SIPA1L1: variants seen among roughly 807,000 people sequenced by gnomAD.
The protein encoded by SIPA1L1 is signal-induced proliferation-associated 1-like protein 1.
SIPA1L1 carries 26 observed loss-of-function variants against 162.7 expected under a neutral mutation model. The ratio of observed to expected loss-of-function variants is 0.16; its 90% CI spans 0.12 to 0.22. SIPA1L1 has a LOEUF of 0.22. SIPA1L1 is among the 10% of genes least tolerant of loss of function. SIPA1L1 has a pLI of 1.00. For synonymous variants in SIPA1L1, 829 were observed against 837.4 expected (o/e 0.99, Z 0.17); for missense variants, 1,874 against 2,241.0 (o/e 0.84, Z 3.31).
intron 2 of SIPA1L1, among the ~76,000 whole-genome samples, chr14:71,449,735 C>T (rs2045675567): frequency 1.3e-5 from 2 of 152,164 alleles, no homozygotes; most frequent in South Asian, 4.1e-4. Flanking sequence ...GGGACTGTCT[C>T]AGTTAAGCAT....
In SIPA1L1 at chr14:71,377,637, G is replaced by A. The variant is rs2039526750; in HGVS notation, c.-465+56456G>A. Among the ~76,000 whole-genome samples the A allele has an allele frequency of 6.6e-6, 1 of 152,178 alleles. No individual in the cohort carries two copies. Among genetic ancestry groups the A allele is most frequent in the Admixed American group, 6.5e-5 (1 of 15,282 alleles). On this transcript the variant is annotated intron_variant, in intron 2 of 23. Transcript: ENST00000381232. This position sits in a 1 kb window ranked among gnomAD's most constrained non-coding sequence, Gnocchi z 4.8. ...AGGCCAAGGCAGGCGGCTGGGAGGT[G>A]GAGGTTGTAGCGAGCTGAGATCACG...
intron 2 of SIPA1L1, among the ~76,000 whole-genome samples, chr14:71,375,841 C>T (rs1482189232): frequency 6.6e-6 from 1 of 152,062 alleles, no homozygotes; most frequent in East Asian, 1.9e-4. Context: ...GCATTTTCTT[C>T]TTTAATCTGT....
chr14:71,505,593 T>C (rs1432521919), intron 2 of SIPA1L1, among the ~76,000 whole-genome samples: 1 of 152,156 alleles, frequency 6.6e-6, no homozygotes, highest in Non-Finnish European at 1.5e-5. Context: ...ACTTTGAGTT[T>C]TTCCATCTTT....
At chr14:71,673,275 T>C (rs2044726540) in intron 12 of SIPA1L1, among the ~76,000 whole-genome samples, 3 of 152,188 alleles carry the variant, frequency 2.0e-5, no homozygotes, top group Admixed American at 2.0e-4. Flanking sequence ...TCTCTGTCTC[T>C]GGGGAGGTTT....
At chr14:71,562,652 T>C (rs1348261767) in intron 4 of SIPA1L1, among the ~76,000 whole-genome samples, 1 of 152,238 alleles carries the variant, frequency 6.6e-6, no homozygotes, top group Non-Finnish European at 1.5e-5. Flanking sequence ...TGTTTTGTTA[T>C]TTGTATTTTT....
Position 71,544,020 on chromosome 14 carries a change from T to C in SIPA1L1, c.-303+14650T>C, listed in dbSNP as rs147050000. On this transcript the variant is annotated intron_variant, in intron 4 of 23. Coordinates refer to ENST00000381232, the MANE Select transcript of SIPA1L1 (RefSeq NM_001386936.1). ...ACACACGCACATGTATATATACACATACGCACATGTATGTATATACACACG... is the reference window on the plus strand; with the variant it reads ...ACACACGCACATGTATATATACACACACGCACATGTATGTATATACACACG... Among the ~76,000 whole-genome samples the C allele has an allele frequency of 1.5e-3, 215 of 145,040 alleles. 3 individuals are homozygous for C. The highest frequency in any genetic ancestry group is 0.013 in the South Asian group (63 of 4,708).
intron 2 of SIPA1L1, among the ~76,000 whole-genome samples, chr14:71,463,289 G>C (rs545769974): frequency 6.6e-6 from 1 of 152,280 alleles, no homozygotes; most frequent in African/African-American, 2.4e-5. Context: ...GGTTCTACCA[G>C]CTCCTAATTA....
At chr14:71,365,434 T>C (rs2038196248) in intron 2 of SIPA1L1, among the ~76,000 whole-genome samples, 1 of 152,136 alleles carries the variant, frequency 6.6e-6, no homozygotes, top group Admixed American at 6.5e-5. Flanking sequence ...CTTTCCACTA[T>C]TGCCCGTAGG....
Position 71,741,165 on chromosome 14 carries a change from T to C in SIPA1L1, c.*2004T>C, listed in dbSNP as rs1039918651. The C allele has an allele frequency of 1.3e-5, 2 of 152,230 alleles. No individual in the cohort carries two copies. The highest frequency in any genetic ancestry group is 2.9e-5 in the Non-Finnish European group (2 of 68,044). The allele number at this position is 152,230 out of a possible 1,614,324, so 9.4% of individuals were successfully genotyped here. On this transcript the variant is annotated 3_prime_UTR_variant, in exon 24 of 24. Transcript: ENST00000381232. ...TAACACTAATGATGATTCTTGAAAA[T>C]TTCTGTCCTTCTCAGAATGTTAATA...
At chr14:71,400,163 A>G (rs2041557449) in intron 2 of SIPA1L1, among the ~76,000 whole-genome samples, 1 of 152,084 alleles carries the variant, frequency 6.6e-6, no homozygotes, top group Non-Finnish European at 1.5e-5. Context: ...TGAGCTTGCC[A>G]TTAATATATC....
intron 2 of SIPA1L1, chr14:71,330,357 T>C (rs2034375268): frequency 3.4e-6 from 3 of 878,076 alleles, no homozygotes; most frequent in South Asian, 1.3e-5. Context: ...TCCTCTCTTT[T>C]TGGCGATGAA....
At chr14:71,479,809 C>G (rs1417152028) in intron 2 of SIPA1L1, among the ~76,000 whole-genome samples, 4 of 152,110 alleles carry the variant, frequency 2.6e-5, no homozygotes, top group African/African-American at 9.7e-5. Flanking sequence ...TTACTGCAGC[C>G]CTGACCTCCC....
intron 2 of SIPA1L1, among the ~76,000 whole-genome samples, chr14:71,457,789 GT>G (rs1481209479): frequency 2.0e-5 from 3 of 151,532 alleles, no homozygotes; most frequent in Non-Finnish European, 1.5e-5. Context: ...AGAGATGGGG[GT>G]TTCACCATGT....
In SIPA1L1 at chr14:71,502,593, T is replaced by G. The variant is rs529059877; in HGVS notation, c.-464-10150T>G. 5.9e-5 allele frequency among the ~76,000 whole-genome samples: 9 copies of G among 152,256 alleles called. No individual in the cohort carries two copies. In the East Asian group the frequency reaches 1.7e-3, roughly 29 times the overall value. On this transcript the variant is annotated intron_variant, in intron 2 of 23. Transcript: ENST00000381232. ...GCCCAGAAACAAAAATTTTTGGCTA[T>G]TAGGGTAGAGTATGTTAAATATGAA...
intron 5 of SIPA1L1, among the ~76,000 whole-genome samples, chr14:71,600,074 C>G (rs1313740985): frequency 6.6e-6 from 1 of 152,146 alleles, no homozygotes; most frequent in African/African-American, 2.4e-5. Flanking sequence ...TTTCTTCACT[C>G]TTTTGATTCT....
At chr14:71,473,467 A>G (rs1288423099) in intron 2 of SIPA1L1, among the ~76,000 whole-genome samples, 1 of 152,202 alleles carries the variant, frequency 6.6e-6, no homozygotes, top group Non-Finnish European at 1.5e-5. Context: ...CACAGCTAGT[A>G]CTGGCAGAAT....
chr14:71,353,130 A>G (rs984353410), intron 2 of SIPA1L1, among the ~76,000 whole-genome samples: 6 of 152,228 alleles, frequency 3.9e-5, no homozygotes, highest in African/African-American at 1.4e-4. Flanking sequence ...CACATTCATT[A>G]TTGATTTATA....
chr14:71,452,018 T>G (rs1030164658), intron 2 of SIPA1L1, among the ~76,000 whole-genome samples: 1 of 152,222 alleles, frequency 6.6e-6, no homozygotes, highest in African/African-American at 2.4e-5. Flanking sequence ...TACCTTGACT[T>G]ACTTGCTTAT....
At chr14:71,539,906 G>T (rs2054230945) in intron 4 of SIPA1L1, among the ~76,000 whole-genome samples, 1 of 152,164 alleles carries the variant, frequency 6.6e-6, no homozygotes, top group African/African-American at 2.4e-5. Context: ...TATATTGTCA[G>T]CAACACCCTA....
Sources: allele counts gnomAD v4.1 joint callset (sites outside exome capture counted in the v4.1 genomes callset), GRCh38; gene constraint gnomAD v4.1.1; non-coding constraint Gnocchi (gnomAD v3.1); transcripts MANE v1.5; gene names NCBI Gene and HGNC (gene_info 2026-07-23, HGNC 2026-07-21).